Variants in HIVEP3 observed in about 807,000 individuals in gnomAD.
HIVEP3 encodes the protein HIVEP zinc finger 3, also known as transcription factor HIVEP3.
A neutral mutation model predicts 152.8 loss-of-function variants in HIVEP3; 49 were observed. That is an observed-to-expected ratio of 0.32 (90% confidence interval 0.26 to 0.41). The LOEUF (loss-of-function observed/expected upper bound fraction) is 0.41. HIVEP3 is among the 10% of genes least tolerant of loss of function. The probability of loss-of-function intolerance (pLI) is 1.00; values close to 1 mark genes in which losing one functional copy is unlikely to be tolerated. For synonymous variants in HIVEP3, 1,269 were observed against 1,289.0 expected (o/e 0.98, Z 0.33); for missense variants, 2,790 against 3,103.3 (o/e 0.90, Z 2.40).
At chr1:42,018,346 G>A (rs946218523) in intron 1 of HIVEP3, among the ~76,000 whole-genome samples, 2 of 128,256 alleles carry the variant, frequency 1.6e-5, no homozygotes, top group Admixed American at 8.7e-5. Flanking sequence ...TTTCTTTTAA[G>A]AGCTTTATTG....
chr1:41,670,495 G>A (rs1645858522), intron 2 of HIVEP3, among the ~76,000 whole-genome samples: 1 of 152,194 alleles, frequency 6.6e-6, no homozygotes, highest in South Asian at 2.1e-4. Context: ...GACTTAGAGT[G>A]CATCAGTGAA....
chr1:41,819,314 G>T (rs1642515414), intron 1 of HIVEP3, among the ~76,000 whole-genome samples: 2 of 151,724 alleles, frequency 1.3e-5, no homozygotes, highest in East Asian at 1.9e-4. Context: ...GTGTCTAATT[G>T]TTCCATTTGT....
At chr1:41,970,384 G>A (rs1397517280) in intron 1 of HIVEP3, among the ~76,000 whole-genome samples, 2 of 152,258 alleles carry the variant, frequency 1.3e-5, no homozygotes, top group African/African-American at 2.4e-5. Context: ...CAGGTCCTTC[G>A]CATGGATGTG....
intron 1 of HIVEP3, among the ~76,000 whole-genome samples, chr1:41,867,857 C>A (rs2124408990): frequency 6.6e-6 from 1 of 152,282 alleles, no homozygotes; most frequent in Admixed American, 6.5e-5. Context: ...CACTTCCCAC[C>A]CCTCCAATGC....
chr1:41,996,280 G>A (rs1412451746), intron 1 of HIVEP3, among the ~76,000 whole-genome samples: 1 of 151,830 alleles, frequency 6.6e-6, no homozygotes, highest in Non-Finnish European at 1.5e-5. Flanking sequence ...CCTAGCTACT[G>A]GAAAGGCTAT....
At chr1:41,863,641 G>A (rs957526928) in intron 1 of HIVEP3, among the ~76,000 whole-genome samples, 8 of 152,294 alleles carry the variant, frequency 5.3e-5, no homozygotes, top group African/African-American at 1.7e-4. Flanking sequence ...GCGGAGGTGC[G>A]GGCAGCACAT....
intron 6 of HIVEP3, among the ~76,000 whole-genome samples, chr1:41,520,481 A>C (rs1642731988): frequency 6.6e-6 from 1 of 152,162 alleles, no homozygotes; most frequent in Admixed American, 6.5e-5. Context: ...CCTCATTGTC[A>C]TGAGAAGGCA....
rs543773004 is a variant in HIVEP3, at chr1:41,539,534, T to C, written c.5208-14624A>G. Among the ~76,000 whole-genome samples the C allele has an allele frequency of 1.3e-3, 201 of 152,296 alleles. 1 individual carries two copies. Among genetic ancestry groups the C allele is most frequent in the African/African-American group, 4.5e-3 (186 of 41,576 alleles). On this transcript the variant is annotated intron_variant, in intron 5 of 8. Coordinates refer to ENST00000372583, the MANE Select transcript of HIVEP3 (RefSeq NM_024503.5). ...GCCGATGCAGGACCATGGTCTCCTC[T>C]TTCCACTATTCCAGCCTCACTCCCT...
At chr1:41,524,638 T>C in intron 6 of HIVEP3, 97 bp downstream of exon 6, 1 of 1,169,262 alleles carries the variant, frequency 8.6e-7, no homozygotes, top group East Asian at 2.3e-5. Context: ...CCAGGCCCCC[T>C]GCAAAGAGGT....
At chr1:41,596,908 A>G (rs1644673157) in intron 3 of HIVEP3, among the ~76,000 whole-genome samples, 1 of 152,108 alleles carries the variant, frequency 6.6e-6, no homozygotes, top group Admixed American at 6.5e-5. Context: ...ACTTGCATCA[A>G]AGTCCTCCCT....
At chr1:41,709,646 T>C (rs992166554) in intron 1 of HIVEP3, among the ~76,000 whole-genome samples, 1 of 152,172 alleles carries the variant, frequency 6.6e-6, no homozygotes, top group East Asian at 1.9e-4. Flanking sequence ...AGGGGCTCAC[T>C]GAGGACTGGA....
At chr1:41,554,632 A>G (rs1643937502) in intron 5 of HIVEP3, among the ~76,000 whole-genome samples, 1 of 152,030 alleles carries the variant, frequency 6.6e-6, no homozygotes, top group Non-Finnish European at 1.5e-5. Context: ...TGTTTTATCT[A>G]CCTTTGGTCT....
At chr1:41,602,598 T>C (rs1231945721) in intron 3 of HIVEP3, among the ~76,000 whole-genome samples, 1 of 152,114 alleles carries the variant, frequency 6.6e-6, no homozygotes, top group Non-Finnish European at 1.5e-5. Context: ...CTTTAATTTA[T>C]AATTTTATTT....
intron 1 of HIVEP3, among the ~76,000 whole-genome samples, chr1:41,908,073 A>G (rs1644742327): frequency 6.6e-6 from 1 of 152,188 alleles, no homozygotes; most frequent in African/African-American, 2.4e-5. Flanking sequence ...AAACAAAACA[A>G]AACAAAAAAA....
intron 1 of HIVEP3, among the ~76,000 whole-genome samples, chr1:42,014,450 G>A (rs780399932): frequency 1.1e-4 from 16 of 152,062 alleles, no homozygotes; most frequent in Non-Finnish European, 1.9e-4. Context: ...GAGCTGATTC[G>A]GACTTGTGGC....
At chr1:41,820,665 T>G (rs1642569922) in intron 1 of HIVEP3, among the ~76,000 whole-genome samples, 1 of 152,258 alleles carries the variant, frequency 6.6e-6, no homozygotes. Flanking sequence ...TCCCTTGAAT[T>G]TTCTACTGTC....
intron 1 of HIVEP3, among the ~76,000 whole-genome samples, chr1:41,759,439 G>C (rs980098686): frequency 6.6e-6 from 1 of 152,076 alleles, no homozygotes; most frequent in African/African-American, 2.4e-5. Context: ...GGAGATTTGG[G>C]TTATTTCCAC....
At chr1:41,696,456 G>A (rs552452771) in intron 2 of HIVEP3, among the ~76,000 whole-genome samples, 6 of 152,362 alleles carry the variant, frequency 3.9e-5, no homozygotes, top group South Asian at 2.1e-4. Flanking sequence ...TTCCTGCACC[G>A]TTGGCAGCTG....
At chr1:41,576,927 C>G (rs1164276177) in intron 4 of HIVEP3, among the ~76,000 whole-genome samples, 2 of 152,238 alleles carry the variant, frequency 1.3e-5, no homozygotes, top group Non-Finnish European at 2.9e-5. Context: ...GAGCAAGAAT[C>G]TGGACTGCTG....
Sources: allele counts gnomAD v4.1 joint callset (sites outside exome capture counted in the v4.1 genomes callset), GRCh38; gene constraint gnomAD v4.1.1; transcripts MANE v1.5; gene names NCBI Gene and HGNC (gene_info 2026-07-23, HGNC 2026-07-21).